Variants in GOLGA5 observed in about 807,000 individuals in gnomAD.
GOLGA5 encodes the protein golgin A5, also known as golgin subfamily A member 5.
GOLGA5 carries 50 observed loss-of-function variants against 93.5 expected under a neutral mutation model. That is an observed-to-expected ratio of 0.53 (90% CI 0.43 to 0.68). GOLGA5 has a LOEUF of 0.68. GOLGA5 is among the 30% of genes least tolerant of loss of function. The pLI is 0.00. For missense variants in GOLGA5, 760 were observed against 856.4 expected (o/e 0.89, Z 1.40); for synonymous variants, 312 against 304.5 (o/e 1.02, Z -0.26).
At chr14:92,804,008 G>A (rs1884929355) in intron 2 of GOLGA5, among the ~76,000 whole-genome samples, 1 of 152,094 alleles carries the variant, frequency 6.6e-6, no homozygotes, top group South Asian at 2.1e-4. Context: ...TCTCTAGTAT[G>A]TTTATTTCCT....
At chr14:92,809,182 A>G (rs1885053266) in intron 3 of GOLGA5, 118 bp from the exon 4 acceptor site, 1 of 658,876 alleles carries the variant, frequency 1.5e-6, no homozygotes, top group South Asian at 2.0e-5. Context: ...GAAGACGTGT[A>G]AGTTCCCAAT....
intron 9 of GOLGA5, among the ~76,000 whole-genome samples, chr14:92,831,345 A>G (rs950919385): frequency 1.3e-5 from 2 of 152,236 alleles, no homozygotes; most frequent in Non-Finnish European, 2.9e-5. Context: ...ATTGGAAACA[A>G]CCCAAATGTC....
chr14:92,800,190 C>T (rs1052501195), intron 2 of GOLGA5, among the ~76,000 whole-genome samples: 2 of 152,168 alleles, frequency 1.3e-5, no homozygotes, highest in Non-Finnish European at 2.9e-5. Context: ...GTGAGCTAGA[C>T]ATGTAAACAG....
intron 6 of GOLGA5, among the ~76,000 whole-genome samples, chr14:92,813,751 C>T (rs987067659): frequency 3.3e-5 from 5 of 151,974 alleles, no homozygotes; most frequent in South Asian, 2.1e-4. Flanking sequence ...GCCTGGTATT[C>T]GGTACATTGT....
At chr14:92,819,327 C>A (rs1281252225) in intron 7 of GOLGA5, among the ~76,000 whole-genome samples, 1 of 152,110 alleles carries the variant, frequency 6.6e-6, no homozygotes, top group Non-Finnish European at 1.5e-5. Context: ...TCCTCAGTGC[C>A]TCCTGAGCCC....
At chr14:92,810,462 T>C (rs963831965) in intron 5 of GOLGA5, 85 bp downstream of exon 5, 2 of 962,214 alleles carry the variant, frequency 2.1e-6, no homozygotes, top group Non-Finnish European at 1.5e-6. Context: ...ATTAACTGTC[T>C]AATATAATTC....
intron 9 of GOLGA5, among the ~76,000 whole-genome samples, chr14:92,830,531 C>T (rs1334847545): frequency 1.3e-5 from 2 of 151,934 alleles, no homozygotes; most frequent in East Asian, 1.9e-4. Context: ...AAAGTATGCA[C>T]GTTGTTATTT....
chr14:92,800,136 C>T (rs1884837354), intron 2 of GOLGA5, among the ~76,000 whole-genome samples: 1 of 152,188 alleles, frequency 6.6e-6, no homozygotes, highest in Non-Finnish European at 1.5e-5. Context: ...CAATTAATTA[C>T]ACAAAGAACC....
intron 6 of GOLGA5, among the ~76,000 whole-genome samples, chr14:92,814,893 C>T (rs1171232152): frequency 6.6e-6 from 1 of 151,950 alleles, no homozygotes; most frequent in Non-Finnish European, 1.5e-5. Context: ...TGTTGGCTAC[C>T]TGTAGTCTCC....
At chr14:92,821,350 A>G (rs1730848942) in intron 8 of GOLGA5, among the ~76,000 whole-genome samples, 1 of 152,190 alleles carries the variant, frequency 6.6e-6, no homozygotes, top group Non-Finnish European at 1.5e-5. Context: ...TCATTGTTCA[A>G]TTAGCAGTTG....
At chr14:92,804,323 C>G (rs1432247848) in intron 2 of GOLGA5, among the ~76,000 whole-genome samples, 3 of 152,088 alleles carry the variant, frequency 2.0e-5, no homozygotes, top group Non-Finnish European at 2.9e-5. Context: ...TCCTCGGCCT[C>G]CCAAAGTGCT....
At chr14:92,820,698 G>A (rs1885300482) in intron 8 of GOLGA5, among the ~76,000 whole-genome samples, 1 of 152,162 alleles carries the variant, frequency 6.6e-6, no homozygotes, top group Non-Finnish European at 1.5e-5. Flanking sequence ...AGTGCATTGT[G>A]CCCCTGGTTT....
At chr14:92,824,827 C>T (rs1885384327) in intron 9 of GOLGA5, among the ~76,000 whole-genome samples, 183 bp downstream of exon 9, 2 of 152,170 alleles carry the variant, frequency 1.3e-5, no homozygotes, top group South Asian at 4.1e-4. Context: ...TACATTTGCT[C>T]TGTTCTATGA....
chr14:92,830,706 C>T (rs561967259), intron 9 of GOLGA5, among the ~76,000 whole-genome samples: 49 of 152,058 alleles, frequency 3.2e-4, no homozygotes, highest in Non-Finnish European at 5.9e-4. Context: ...CTCTAGTGGT[C>T]CTCCCACCTC....
At chr14:92,829,121 C>T (rs969372788) in intron 9 of GOLGA5, among the ~76,000 whole-genome samples, 6 of 152,152 alleles carry the variant, frequency 3.9e-5, no homozygotes, top group East Asian at 1.9e-4. Flanking sequence ...CAAGCTACCA[C>T]GCCTGGCTAC....
chr14:92,832,005 G>A lies in GOLGA5; in HGVS notation c.1720-1117G>A, dbSNP rs186354248. Among the ~76,000 whole-genome samples, 16 of 152,266 alleles carry A rather than the reference G, an allele frequency of 1.1e-4. No homozygotes were observed. In the East Asian group the frequency reaches 2.9e-3, roughly 28 times the overall value. ...CTTAGATCAAACTTTTTTCAATACT[G>A]TATTGATGTAGACAATGATTCTTGC... On this transcript the variant is annotated intron_variant, in intron 9 of 12. Coordinates refer to ENST00000163416, the MANE Select transcript of GOLGA5 (RefSeq NM_005113.4).
intron 2 of GOLGA5, 87 bp downstream of exon 2, chr14:92,798,068 T>TA: frequency 1.1e-6 from 1 of 891,980 alleles, no homozygotes; most frequent in East Asian, 2.4e-5. Flanking sequence ...CATCTACTGT[T>TA]ATGGAATCTG....
intron 4 of GOLGA5, 21 bp from the exon 5 acceptor site, chr14:92,810,233 A>G (rs910808530): frequency 1.7e-5 from 27 of 1,580,924 alleles, no homozygotes; most frequent in Non-Finnish European, 2.3e-5. Context: ...GAGTTATTTC[A>G]CATGATGCAT....
chr14:92,832,801 C>T (rs1277434270), intron 9 of GOLGA5, among the ~76,000 whole-genome samples: 1 of 152,146 alleles, frequency 6.6e-6, no homozygotes, highest in African/African-American at 2.4e-5. Flanking sequence ...CAGTTTACAT[C>T]GTGTCTCAGT....
Sources: gnomAD v4.1 joint callset for allele counts (sites outside exome capture counted in the v4.1 genomes callset) on GRCh38, gnomAD v4.1.1 for gene constraint, MANE v1.5 for transcripts, NCBI Gene and HGNC (gene_info 2026-07-23, HGNC 2026-07-21) for gene names.